UNC5CL: variants seen among roughly 807,000 people sequenced by gnomAD.
UNC5CL encodes the protein UNC5C-like protein.
UNC5CL carries 42 observed loss-of-function variants against 54.1 expected under a neutral mutation model. The observed-to-expected ratio is 0.78, with a 90% CI of 0.61 to 1.00. UNC5CL has a LOEUF of 1.00. UNC5CL is among the 50% of genes least tolerant of loss of function. The pLI is 0.00. For missense variants in UNC5CL, 619 were observed against 675.6 expected (o/e 0.92, Z 0.93); for synonymous variants, 285 against 285.1 (o/e 1.00, Z 0.00).
chr6:41,034,853 T>C lies in UNC5CL; in HGVS notation c.222A>G (p.Pro74=). 2 of 1,614,262 alleles carry C rather than the reference T, an allele frequency of 1.2e-6. No homozygotes were observed. The highest frequency in any genetic ancestry group is 1.7e-6 in the Non-Finnish European group (2 of 1,180,048). ...GCTCCTGGTAGAAGGCAACCATCTC[T>C]GGCAGTGTGGCTGGCAGGTGCTGCC... The part of the protein sequence containing the change: ...VSRQHLPATL[P]EMVAFYQELH... The change falls in exon 2 of 9, where the codon CCA becomes CCG. Residue 74 remains proline, a synonymous_variant. Transcript: ENST00000244565.
intron 1 of UNC5CL, among the ~76,000 whole-genome samples, chr6:41,037,060 C>A (rs955486137): frequency 6.6e-6 from 1 of 152,216 alleles, no homozygotes; most frequent in South Asian, 2.1e-4. Flanking sequence ...CTCACTTGCT[C>A]TCCCCACTTG....
At position 41,033,905 on chromosome 6, in the gene UNC5CL, C is replaced by G. The variant is rs140534558; in HGVS notation, c.662G>C (p.Cys221Ser). The change falls in exon 3 of 9, where the codon TGT (cysteine) becomes TCT (serine). Residue 221 changes from cysteine to serine, a missense_variant. Transcript: ENST00000244565. ...RPGAHASRDE[C>S]RIHLSHFSLY... is the part of the protein sequence containing the mutation. Reference sequence around the variant, plus strand: ...CCTGAAGTGGGAGAGGTGGATGCGACACTCATCCCGGGAGGCGTGGGCCCC... The same window carrying G: ...CCTGAAGTGGGAGAGGTGGATGCGAGACTCATCCCGGGAGGCGTGGGCCCC... 1.4e-3 allele frequency: 2,310 copies of G among 1,613,662 alleles called. 2 individuals carry two copies. Among genetic ancestry groups the G allele is most frequent in the Non-Finnish European group, 1.8e-3 (2,160 of 1,179,772 alleles).
intron 1 of UNC5CL, among the ~76,000 whole-genome samples, chr6:41,036,137 T>A (rs1483725288): frequency 6.6e-6 from 1 of 152,270 alleles, no homozygotes; most frequent in East Asian, 1.9e-4. Flanking sequence ...CATGTAATTT[T>A]AAATTTCCTG....
In UNC5CL at chr6:41,029,830, C is replaced by T. The variant is rs567763525; in HGVS notation, c.1334+558G>A. ...CAGCCTGGGCGACAGAGCAAGACTC[C>T]GTCTCAAATAATGATAATAATAATA... On this transcript the variant is annotated intron_variant, in intron 8 of 8. Transcript: ENST00000244565. This position sits in a 1 kb window ranked among gnomAD's most constrained non-coding sequence, Gnocchi z 4.1. 1.3e-5 allele frequency among the ~76,000 whole-genome samples: 2 copies of T among 152,072 alleles called. No homozygotes were observed. Among genetic ancestry groups the T allele is most frequent in the Non-Finnish European group, 2.9e-5 (2 of 68,012 alleles).
At chr6:41,031,939 T>C (rs1218443310) in intron 5 of UNC5CL, 97 bp downstream of exon 5, 1 of 1,326,286 alleles carries the variant, frequency 7.5e-7, no homozygotes, top group Non-Finnish European at 1.1e-6. Context: ...CATGGCTGCA[T>C]GGGGGTCTGC....
chr6:41,030,571 C>G (rs1762442661), intron 7 of UNC5CL, 70 bp from the exon 8 acceptor site: 1 of 1,610,440 alleles, frequency 6.2e-7, no homozygotes, highest in Admixed American at 1.7e-5. Context: ...CCCATATGCA[C>G]CCTAAATGCT....
Position 41,028,595 on chromosome 6 carries a change from CCTGGCCCG to C in UNC5CL, c.1335-8_1335-1del. Reference sequence around the variant, plus strand: ...CGGGGCTGCGCTGGCAGGACAGGAACCTGGCCCGAGGTAGGGGAGGAAGAGAAGGGTGT... The same window carrying C: ...CGGGGCTGCGCTGGCAGGACAGGAACAGGTAGGGGAGGAAGAGAAGGGTGT... On this transcript the variant is annotated splice_acceptor_variant and splice_polypyrimidine_tract_variant and intron_variant, in intron 8 of 8. Coordinates refer to ENST00000244565, the MANE Select transcript of UNC5CL (RefSeq NM_173561.3). LOFTEE classifies it high-confidence loss of function. This position sits in a 1 kb window ranked among gnomAD's most constrained non-coding sequence, Gnocchi z 4.3. 1 of 1,612,672 alleles carries C rather than the reference CCTGGCCCG, an allele frequency of 6.2e-7. No homozygotes were observed. The highest frequency in any genetic ancestry group is 8.5e-7 in the Non-Finnish European group (1 of 1,179,784).
chr6:41,031,994 G>A (rs765407174), intron 5 of UNC5CL, 42 bp downstream of exon 5: 8 of 1,595,220 alleles, frequency 5.0e-6, no homozygotes, highest in Non-Finnish European at 6.0e-6. Flanking sequence ...GACAGGATGG[G>A]AAAAGAGAGG....
At position 41,028,643 on chromosome 6, in the gene UNC5CL, G is replaced by T. The variant is rs772107788; in HGVS notation, c.1335-48C>A. ...GAGAAGGGTGTAGGAGCAGGGAGGG[G>T]CTCCCCCCCTGCTGCAGGCTCCCTG... is the stretch of plus-strand genomic sequence containing the variant. On this transcript the variant is annotated intron_variant, in intron 8 of 8. Coordinates refer to ENST00000244565, the MANE Select transcript of UNC5CL (RefSeq NM_173561.3). This position sits in a 1 kb window ranked among gnomAD's most constrained non-coding sequence, Gnocchi z 4.3. 6.4e-7 allele frequency: 1 copy of T among 1,550,690 alleles called. No individual in the cohort carries two copies. The highest frequency in any genetic ancestry group is 1.1e-5 in the South Asian group (1 of 88,014).
chr6:41,035,151 G>C lies in UNC5CL; in HGVS notation c.-61-16C>G, dbSNP rs1433669617. On this transcript the variant is annotated splice_polypyrimidine_tract_variant and intron_variant, in intron 1 of 8. Transcript: ENST00000244565. ...AGCCAAAGGCCTGGTGGGGAAGAAG[G>C]GGTCAGTGTCAGGGTAAGCCCTTTT... 6 of 1,498,622 alleles carry C rather than the reference G, an allele frequency of 4.0e-6. No homozygotes were observed. Among genetic ancestry groups the C allele is most frequent in the East Asian group, 2.3e-5 (1 of 43,800 alleles). The allele number at this position is 1,498,622 out of a possible 1,614,324, so 92.8% of individuals were successfully genotyped here.
Position 41,036,965 on chromosome 6 carries a change from C to T in UNC5CL, c.-61-1830G>A, listed in dbSNP as rs533658197. Among the ~76,000 whole-genome samples, 4 of 152,142 alleles carry T rather than the reference C, an allele frequency of 2.6e-5. 1 individual carries two copies. The South Asian group carries it at 8.3e-4, about 32-fold the overall frequency. On this transcript the variant is annotated intron_variant, in intron 1 of 8. Coordinates refer to ENST00000244565, the MANE Select transcript of UNC5CL (RefSeq NM_173561.3). ...CTTCCAGCCCCTACAATTTCCAACACGCCTGCCCTGTAGCCTGCCCAGGCT... is the reference window on the plus strand; with the variant it reads ...CTTCCAGCCCCTACAATTTCCAACATGCCTGCCCTGTAGCCTGCCCAGGCT...
At chr6:41,031,779 G>C in intron 5 of UNC5CL, 31 bp from the exon 6 acceptor site, 1 of 1,611,028 alleles carries the variant, frequency 6.2e-7, no homozygotes, top group Non-Finnish European at 8.5e-7. Flanking sequence ...CGTGGCCAGT[G>C]AGTGAGGAAA....
chr6:41,034,684 T>C lies in UNC5CL; in HGVS notation c.385+6A>G. ...GTATGCGGAGATGAGAGCCAGGAGCTGTTACCTGGTGGGATGAGCAAGGAG... is the reference window on the plus strand; with the variant it reads ...GTATGCGGAGATGAGAGCCAGGAGCCGTTACCTGGTGGGATGAGCAAGGAG... On this transcript the variant is annotated splice_donor_region_variant and intron_variant, in intron 2 of 8. Coordinates refer to ENST00000244565, the MANE Select transcript of UNC5CL (RefSeq NM_173561.3). 6.3e-7 allele frequency: 1 copy of C among 1,599,736 alleles called. No individual in the cohort carries two copies. Among genetic ancestry groups the C allele is most frequent in the Non-Finnish European group, 8.5e-7 (1 of 1,178,384 alleles).
rs754884711 is a variant in UNC5CL, at chr6:41,033,990, T to C, written c.577A>G (p.Thr193Ala). The C allele has an allele frequency of 1.9e-6, 3 of 1,614,002 alleles. No homozygotes were observed. Among genetic ancestry groups the C allele is most frequent in the Non-Finnish European group, 2.5e-6 (3 of 1,179,968 alleles). ...HCAEQPSHAR[T>A]YSSNTTLLDA... ...AGCAGGGTAGTGTTGCTGCTGTAGG[T>C]GCGAGCATGGCTGGGCTGCTCGGCA... The change falls in exon 3 of 9, where the codon ACC becomes GCC. Residue 193 changes from threonine (T) to alanine (A), a missense_variant. Transcript: ENST00000244565.
At position 41,034,402 on chromosome 6, in the gene UNC5CL, G is replaced by A. The variant is rs182437108; in HGVS notation, c.386-221C>T. On this transcript the variant is annotated intron_variant, in intron 2 of 8. Transcript: ENST00000244565. ...TCCCTTTCCACCCAGGCTGCTGCTA[G>A]CCCATAGTGTGCCTTGTGTGAATTT... Among the ~76,000 whole-genome samples the A allele has an allele frequency of 3.0e-4, 45 of 152,302 alleles. No individual in the cohort carries two copies. The Middle Eastern group carries it at 0.01, about 35-fold the overall frequency.
Position 41,035,077 on chromosome 6 carries a change from G to T in UNC5CL, c.-3C>A, listed in dbSNP as rs184003505. 3.2e-6 allele frequency: 5 copies of T among 1,552,628 alleles called. No homozygotes were observed. The highest frequency in any genetic ancestry group is 2.4e-4 in the Middle Eastern group (1 of 4,166). ...AATGAACTCTCCTGGGGGCACATTC[G>T]CCTGGTTACTCAATGCCGCTGGCTC... On this transcript the variant is annotated 5_prime_UTR_variant, in exon 2 of 9. Coordinates refer to ENST00000244565, the MANE Select transcript of UNC5CL (RefSeq NM_173561.3).
At chr6:41,031,652 C>T (rs1561829466) in intron 6 of UNC5CL, 29 bp downstream of exon 6, 1 of 1,613,030 alleles carries the variant, frequency 6.2e-7, no homozygotes, top group Non-Finnish European at 8.5e-7. Context: ...CAGGCCCTGC[C>T]CTTCCTCTGC....
rs1429807022 is a variant in UNC5CL at position 41,030,408 on chromosome 6, C to T, written c.1314G>A (p.Gly438=). Residue 438 remains glycine, a synonymous_variant, in exon 8 of 9, where the codon GGG becomes GGA. Transcript: ENST00000244565. ...NDWRRLASHL[G]LCGMKIRFLS... ...CCTACCGGATCTTCATGCCGCAAAGCCCCAGGTGGGAGGCCAGTCTGCGCC... is the reference window on the plus strand; with the variant it reads ...CCTACCGGATCTTCATGCCGCAAAGTCCCAGGTGGGAGGCCAGTCTGCGCC... 6.2e-7 allele frequency: 1 copy of T among 1,614,068 alleles called. No individual in the cohort carries two copies. The highest frequency in any genetic ancestry group is 8.5e-7 in the Non-Finnish European group (1 of 1,179,956).
chr6:41,030,741 C>T lies in UNC5CL; in HGVS notation c.1134G>A (p.Lys378=). The part of the protein sequence containing the change: ...MHTFQDGLET[K]YMEILRFQAS... ...CCTGGAATCTGAGGATTTCCATATA[C>T]TTGGTCTCCAAGCCCTGAGTCAACA... The change falls in exon 7 of 9, where the codon AAG becomes AAA. Residue 378 remains lysine, a synonymous_variant. Coordinates refer to ENST00000244565, the MANE Select transcript of UNC5CL (RefSeq NM_173561.3). 4 of 1,614,062 alleles carry T rather than the reference C, an allele frequency of 2.5e-6. No homozygotes were observed. Among genetic ancestry groups the T allele is most frequent in the Non-Finnish European group, 3.4e-6 (4 of 1,180,000 alleles).
Sources: gnomAD v4.1 joint callset for allele counts (sites outside exome capture counted in the v4.1 genomes callset) on GRCh38, gnomAD v4.1.1 for gene constraint, Gnocchi (gnomAD v3.1) non-coding constraint, MANE v1.5 for transcripts, NCBI Gene and HGNC (gene_info 2026-07-23, HGNC 2026-07-21) for gene names.